The following CDK14 variants were observed in gnomAD, a reference collection of about 807,000 sequenced individuals.
CDK14 encodes cyclin dependent kinase 14.
CDK14 carries 34 observed loss-of-function variants against 60.7 expected under a neutral mutation model. The observed-to-expected ratio is 0.56, with a 90% CI of 0.43 to 0.75. CDK14 has a LOEUF of 0.75. Ranked by LOEUF, CDK14 falls within the 30% of genes least tolerant of loss-of-function variation. The pLI is 0.00. For missense variants in CDK14, 482 were observed against 564.1 expected, an observed-to-expected ratio of 0.85 and a Z score of 1.47; for synonymous variants, 197 against 203.7, an observed-to-expected ratio of 0.97 and a Z score of 0.28.
chr7:90,718,193 C>G (rs1353643977), intron 2 of CDK14, among the ~76,000 whole-genome samples: 2 of 151,820 alleles, frequency 1.3e-5, no homozygotes, highest in African/African-American at 4.8e-5. Flanking sequence ...TAATTTTCAG[C>G]CAAAATGCCC....
chr7:90,688,884 C>T (rs1394086843), intron 2 of CDK14, among the ~76,000 whole-genome samples: 5 of 152,134 alleles, frequency 3.3e-5, no homozygotes, highest in Admixed American at 2.6e-4. Context: ...TTCAGAGTCC[C>T]TCCCTTCCCT....
chr7:90,917,453 T>C lies in CDK14; in HGVS notation c.703-148T>C, dbSNP rs764769505. On this transcript the variant is annotated intron_variant, in intron 7 of 14. Transcript: ENST00000380050. The stretch of plus-strand genomic sequence containing the variant: ...TGAATTAGGAATTTACATACTAAAA[T>C]CTCACATTCTGTTGAAATAATTTGG... 8 of 611,966 alleles carry C rather than the reference T, an allele frequency of 1.3e-5. 1 individual carries two copies. Among genetic ancestry groups the C allele is most frequent in the Non-Finnish European group, 1.9e-5 (7 of 365,406 alleles). 37.9% of individuals were successfully genotyped at this position (611,966 alleles called of 1,614,324 possible).
chr7:91,063,076 T>C (rs952681473), intron 11 of CDK14, among the ~76,000 whole-genome samples: 1 of 152,178 alleles, frequency 6.6e-6, no homozygotes, highest in Non-Finnish European at 1.5e-5. Context: ...CATCCACTCA[T>C]GAAAGTTGGA....
At chr7:90,692,015 C>T (rs1563046278) in intron 2 of CDK14, among the ~76,000 whole-genome samples, 1 of 151,998 alleles carries the variant, frequency 6.6e-6, no homozygotes, top group African/African-American at 2.4e-5. Context: ...GGTGCATTTT[C>T]TACATACATA....
chr7:90,726,223 C>T (rs1162726732), intron 2 of CDK14: 3 of 747,028 alleles, frequency 4.0e-6, no homozygotes, highest in African/African-American at 1.9e-5. Flanking sequence ...GCTAGTTACC[C>T]AACCTCTTAA....
At chr7:90,818,886 A>G (rs1584007768) in intron 5 of CDK14, among the ~76,000 whole-genome samples, 1 of 149,936 alleles carries the variant, frequency 6.7e-6, no homozygotes, top group Middle Eastern at 3.5e-3. Flanking sequence ...GTGTATATAT[A>G]TGTGTGTGTG....
At chr7:91,024,470 A>G (rs1156294677) in intron 10 of CDK14, among the ~76,000 whole-genome samples, 1 of 152,154 alleles carries the variant, frequency 6.6e-6, no homozygotes, top group East Asian at 1.9e-4. Context: ...TGGCCAACAT[A>G]GAGAAACCCC....
At chr7:91,066,614 T>G (rs1329206740) in intron 11 of CDK14, among the ~76,000 whole-genome samples, 1 of 152,226 alleles carries the variant, frequency 6.6e-6, no homozygotes, top group Non-Finnish European at 1.5e-5. Context: ...AATTTGGGTT[T>G]TATCTTCCTG....
intron 10 of CDK14, among the ~76,000 whole-genome samples, chr7:91,018,500 G>C (rs1371358882): frequency 2.6e-5 from 4 of 152,174 alleles, no homozygotes; most frequent in Non-Finnish European, 5.9e-5. Context: ...ACACATGGTA[G>C]AAGGGGAAAA....
chr7:90,710,624 G>A (rs1802025595), intron 2 of CDK14: 1 of 866,414 alleles, frequency 1.2e-6, no homozygotes, highest in South Asian at 5.3e-5. Context: ...GTACAGAAGT[G>A]ATAATTCTTC....
chr7:90,850,892 A>T lies in CDK14; in HGVS notation c.545-12283A>T, dbSNP rs1016054837. Among the ~76,000 whole-genome samples the T allele has an allele frequency of 2.6e-5, 4 of 152,036 alleles. No individual in the cohort carries two copies. The East Asian group carries it at 7.7e-4, about 29-fold the overall frequency. On this transcript the variant is annotated intron_variant, in intron 5 of 14. Transcript: ENST00000380050. ...CCTTTACTTATTACTGTCTTCTTAA[A>T]CCTCTTTAGTCCAGGTGGTGATGCT...
intron 12 of CDK14, among the ~76,000 whole-genome samples, chr7:91,099,296 C>T (rs564346240): frequency 6.6e-6 from 1 of 152,250 alleles, no homozygotes; most frequent in Non-Finnish European, 1.5e-5. Context: ...TATAACCAAT[C>T]TCTCTGAAAC....
At chr7:90,813,029 A>C (rs186836109) in intron 5 of CDK14, among the ~76,000 whole-genome samples, 1 of 152,246 alleles carries the variant, frequency 6.6e-6, no homozygotes, top group Non-Finnish European at 1.5e-5. Flanking sequence ...ATGTCCATCA[A>C]CTGTTGAGTT....
chr7:90,963,739 G>A (rs1034210391), intron 9 of CDK14, among the ~76,000 whole-genome samples: 2 of 120,182 alleles, frequency 1.7e-5, no homozygotes, highest in South Asian at 5.1e-4. Context: ...TTTTTGAGAC[G>A]GAGTCTTACT....
chr7:90,901,918 TGCA>T (rs1214214110), intron 7 of CDK14, among the ~76,000 whole-genome samples: 1 of 152,000 alleles, frequency 6.6e-6, no homozygotes, highest in African/African-American at 2.4e-5. Flanking sequence ...TCCGTAAAGT[TGCA>T]GGATACAAAA....
At chr7:90,889,011 G>T (rs557302361) in intron 6 of CDK14, among the ~76,000 whole-genome samples, 1 of 152,298 alleles carries the variant, frequency 6.6e-6, no homozygotes, top group South Asian at 2.1e-4. Context: ...TGCTGGAATA[G>T]CATATGGTTC....
chr7:91,090,393 G>A (rs1340062153), intron 12 of CDK14, among the ~76,000 whole-genome samples: 3 of 152,144 alleles, frequency 2.0e-5, no homozygotes, highest in African/African-American at 7.2e-5. Flanking sequence ...TTTCCAGTAT[G>A]GTAACCACTA....
intron 4 of CDK14, among the ~76,000 whole-genome samples, chr7:90,771,714 TG>T (rs1199687190): frequency 6.6e-6 from 1 of 152,142 alleles, no homozygotes; most frequent in Non-Finnish European, 1.5e-5. Context: ...AATCAGGAGC[TG>T]AAGTGAAGCC....
chr7:91,021,006 C>T (rs891547239), intron 10 of CDK14, among the ~76,000 whole-genome samples: 1 of 152,166 alleles, frequency 6.6e-6, no homozygotes, highest in Non-Finnish European at 1.5e-5. Context: ...CCTGGAAGTG[C>T]CGTAGTTTCT....
Sources: allele counts gnomAD v4.1 joint callset (sites outside exome capture counted in the v4.1 genomes callset), GRCh38; gene constraint gnomAD v4.1.1; transcripts MANE v1.5; gene names NCBI Gene and HGNC (gene_info 2026-07-23, HGNC 2026-07-21).